CCDC102B: variants seen among roughly 807,000 people sequenced by gnomAD.
The protein encoded by CCDC102B is coiled-coil domain-containing protein 102B.
In CCDC102B, 75 loss-of-function variants were observed where a neutral mutation model predicts 57.4. The ratio of observed to expected loss-of-function variants is 1.31; its 90% CI spans 1.08 to 1.58. The LOEUF is 1.58. Ranked by LOEUF, CCDC102B falls within the 40% of genes most tolerant of loss-of-function variation. CCDC102B has a pLI of 0.00. For missense variants in CCDC102B, 636 were observed against 582.6 expected (o/e 1.09, Z -0.94); for synonymous variants, 206 against 201.9 (o/e 1.02, Z -0.17).
chr18:68,819,873 T>C (rs1161891324), intron 1 of CCDC102B, among the ~76,000 whole-genome samples: 1 of 152,074 alleles, frequency 6.6e-6, no homozygotes, highest in African/African-American at 2.4e-5. Flanking sequence ...ATATTTGATG[T>C]CTAAATATTG....
intron 1 of CCDC102B, among the ~76,000 whole-genome samples, chr18:68,821,646 T>A (rs577068794): frequency 6.6e-6 from 1 of 151,932 alleles, no homozygotes; most frequent in African/African-American, 2.4e-5. Context: ...TTCTTTTCCT[T>A]CTTTTCTTCT....
intron 5 of CCDC102B, among the ~76,000 whole-genome samples, chr18:68,889,271 A>G (rs954729740): frequency 1.3e-5 from 2 of 152,288 alleles, no homozygotes; most frequent in African/African-American, 4.8e-5. Flanking sequence ...AAGAGGCCCA[A>G]GGTGCTAGCT....
At chr18:68,795,176 A>G (rs1280437327), upstream of CCDC102B, among the ~76,000 whole-genome samples, 1 of 152,102 alleles carries the variant, frequency 6.6e-6, no homozygotes, top group Admixed American at 6.6e-5. Flanking sequence ...GGAATAGCAA[A>G]GAGATTTCTA....
chr18:68,838,839 A>G lies in CCDC102B; in HGVS notation c.740A>G (p.Asn247Ser). ...ACTGGGCTGAGACTGAAAGCAATAAATCTGCCTTTGGAAAATGAAGTAACT... is the reference window on the plus strand; with the variant it reads ...ACTGGGCTGAGACTGAAAGCAATAAGTCTGCCTTTGGAAAATGAAGTAACT... The part of the protein sequence containing the change: ...TKTGLRLKAI[N>S]LPLENEVTEI... Residue 247 changes from asparagine to serine, a missense_variant, in exon 3 of 8, where the codon AAT becomes AGT. Coordinates refer to ENST00000360242, the MANE Select transcript of CCDC102B (RefSeq NM_024781.3). The G allele has an allele frequency of 6.2e-7, 1 of 1,614,050 alleles. No homozygotes were observed. The highest frequency in any genetic ancestry group is 8.5e-7 in the Non-Finnish European group (1 of 1,179,964).
chr18:68,956,469 ATAT>A (rs1181589224), intron 6 of CCDC102B, among the ~76,000 whole-genome samples: 1 of 5,928 alleles, frequency 1.7e-4, no homozygotes, highest in African/African-American at 4.3e-4. Context: ...TTTTATATAT[ATAT>A]TATATATATA....
At chr18:69,003,456 A>G (rs2051259415) in intron 6 of CCDC102B, among the ~76,000 whole-genome samples, 1 of 152,128 alleles carries the variant, frequency 6.6e-6, no homozygotes, top group African/African-American at 2.4e-5. Flanking sequence ...ACCCAGCAAA[A>G]TTTGGGAGAT....
intron 2 of CCDC102B, among the ~76,000 whole-genome samples, chr18:68,726,676 C>T (rs955696894): frequency 6.6e-6 from 1 of 152,154 alleles, no homozygotes; most frequent in African/African-American, 2.4e-5. Flanking sequence ...TGGTTTTCAA[C>T]ATACATTTGC....
At chr18:68,958,803 G>A (rs2049973241) in intron 6 of CCDC102B, among the ~76,000 whole-genome samples, 1 of 151,996 alleles carries the variant, frequency 6.6e-6, no homozygotes, top group African/African-American at 2.4e-5. Context: ...CCATTCTTCA[G>A]TATGTCAATT....
intron 5 of CCDC102B, among the ~76,000 whole-genome samples, chr18:68,880,547 C>T (rs2039657507): frequency 6.6e-6 from 1 of 152,228 alleles, no homozygotes; most frequent in Non-Finnish European, 1.5e-5. Context: ...TGCCAGCATG[C>T]TGTCACCTCT....
intron 2 of CCDC102B, among the ~76,000 whole-genome samples, chr18:68,741,428 G>C (rs2033376135): frequency 6.6e-6 from 1 of 152,136 alleles, no homozygotes; most frequent in South Asian, 2.1e-4. Context: ...ACTAAACAGA[G>C]CTCAATCTCA....
At chr18:68,988,220 G>GAA (rs140492632) in intron 6 of CCDC102B, among the ~76,000 whole-genome samples, 8 of 150,110 alleles carry the variant, frequency 5.3e-5, no homozygotes, top group African/African-American at 2.0e-4. Flanking sequence ...CCATAAAAGG[G>GAA]AAAAAAAAAC....
chr18:68,815,933 T>C (rs1315844223), intron 1 of CCDC102B, among the ~76,000 whole-genome samples: 1 of 152,224 alleles, frequency 6.6e-6, no homozygotes, highest in Non-Finnish European at 1.5e-5. Context: ...AATTCATTTT[T>C]CCCATAGCTT....
intron 7 of CCDC102B, 69 bp downstream of exon 7, chr18:69,011,173 G>A (rs2051506064): frequency 2.2e-6 from 3 of 1,356,494 alleles, no homozygotes; most frequent in Non-Finnish European, 3.0e-6. Flanking sequence ...TCTAAAGATT[G>A]TCTCCCTTAT....
chr18:68,937,741 C>T (rs2049279191), intron 6 of CCDC102B, among the ~76,000 whole-genome samples: 1 of 151,962 alleles, frequency 6.6e-6, no homozygotes, highest in Non-Finnish European at 1.5e-5. Context: ...TAACGCTATC[C>T]CTCCCCTATC....
intron 2 of CCDC102B, among the ~76,000 whole-genome samples, chr18:68,726,004 G>A (rs1049037521): frequency 1.3e-5 from 2 of 152,156 alleles, no homozygotes; most frequent in Non-Finnish European, 1.5e-5. Flanking sequence ...GTACAGGAAC[G>A]TTGCCTCGGT....
At chr18:69,052,223 C>G (rs2052724608) in intron 7 of CCDC102B, among the ~76,000 whole-genome samples, 1 of 151,698 alleles carries the variant, frequency 6.6e-6, no homozygotes, top group African/African-American at 2.4e-5. Context: ...AAATGTTAAT[C>G]TAATAAAAAA....
intron 6 of CCDC102B, among the ~76,000 whole-genome samples, chr18:69,002,731 AT>A (rs201117232): frequency 1.3e-5 from 2 of 151,884 alleles, no homozygotes; most frequent in African/African-American, 4.8e-5. Flanking sequence ...GATGAAAGTG[AT>A]TTTTTTTTAT....
chr18:68,716,635 C>G (rs1183039508), intron 2 of CCDC102B: 1 of 152,078 alleles, frequency 6.6e-6, no homozygotes, highest in East Asian at 1.9e-4. Flanking sequence ...TTTATGAAAT[C>G]TAAATACTGA....
intron 5 of CCDC102B, among the ~76,000 whole-genome samples, chr18:68,877,633 C>A (rs143659565): frequency 6.6e-6 from 1 of 152,212 alleles, no homozygotes; most frequent in Admixed American, 6.5e-5. Flanking sequence ...GTGTTTAACA[C>A]GGATTCTAAT....
Sources: gnomAD v4.1 joint callset for allele counts (sites outside exome capture counted in the v4.1 genomes callset) on GRCh38, gnomAD v4.1.1 for gene constraint, MANE v1.5 for transcripts, NCBI Gene and HGNC (gene_info 2026-07-23, HGNC 2026-07-21) for gene names.